Variants in MLLT3 observed in about 807,000 individuals in gnomAD.
MLLT3 encodes the protein MLLT3 super elongation complex subunit, also known as protein AF-9.
MLLT3 carries 4 observed loss-of-function variants against 53.2 expected under a neutral mutation model. That is an observed-to-expected ratio of 0.08 (90% CI 0.04 to 0.17). The LOEUF is 0.17. Ranked by LOEUF, MLLT3 falls within the 10% of genes least tolerant of loss-of-function variation. The probability of loss-of-function intolerance (pLI) is 1.00; values close to 1 mark genes in which losing one functional copy is unlikely to be tolerated. For synonymous variants in MLLT3, 283 were observed against 230.6 expected (o/e 1.23, Z -2.06); for missense variants, 569 against 684.0 (o/e 0.83, Z 1.87).
At chr9:20,576,102 C>G (rs1312000532) in intron 2 of MLLT3, among the ~76,000 whole-genome samples, 1 of 152,186 alleles carries the variant, frequency 6.6e-6, no homozygotes, top group African/African-American at 2.4e-5. Context: ...TCACCTTGCA[C>G]TTTTATGTTA....
intron 1 of MLLT3, 78 bp downstream of exon 1, chr9:20,622,167 G>C: frequency 6.9e-7 from 1 of 1,447,240 alleles, no homozygotes; most frequent in South Asian, 1.2e-5. Context: ...GAGCGCTGGC[G>C]CTGTCTGGGC....
At chr9:20,527,718 T>C (rs992143737) in intron 2 of MLLT3, among the ~76,000 whole-genome samples, 1 of 152,192 alleles carries the variant, frequency 6.6e-6, no homozygotes, top group Non-Finnish European at 1.5e-5. Context: ...GAATTTCATA[T>C]AGGTAATGTT....
chr9:20,365,736 T>C lies in MLLT3; in HGVS notation c.1134A>G (p.Gln378=), dbSNP rs765301433. 3.5e-5 allele frequency: 56 copies of C among 1,613,992 alleles called. No homozygotes were observed. The Admixed American group carries it at 8.3e-4, about 24-fold the overall frequency. ...TGGAGCTGGAGCTGGCAGGACTGGG[T>C]TGTTCAGACTTTAAAGAAGAATAAA... The part of the protein sequence containing the change: ...ENISSKSDSE[Q]PSPASSSSSS... The change falls in exon 6 of 11, where the codon CAA becomes CAG. Residue 378 remains glutamine (Q), a synonymous_variant. Transcript: ENST00000380338.
intron 2 of MLLT3, among the ~76,000 whole-genome samples, chr9:20,561,976 A>C (rs775680527): frequency 3.5e-4 from 53 of 152,088 alleles, no homozygotes; most frequent in Non-Finnish European, 6.8e-4. Flanking sequence ...AGGGAACAGA[A>C]GTAAGGACAT....
At chr9:20,523,317 T>C (rs1392629904) in intron 2 of MLLT3, among the ~76,000 whole-genome samples, 2 of 152,240 alleles carry the variant, frequency 1.3e-5, no homozygotes, top group Non-Finnish European at 2.9e-5. Context: ...TGGCAGTTTC[T>C]TATAAAACTA....
chr9:20,465,689 G>C (rs1824221937), intron 2 of MLLT3, among the ~76,000 whole-genome samples: 4 of 152,084 alleles, frequency 2.6e-5, no homozygotes, highest in Admixed American at 2.6e-4. Flanking sequence ...ATCCAAAATT[G>C]TCCTAACTTC....
chr9:20,610,409 A>G (rs1245607508), intron 2 of MLLT3, among the ~76,000 whole-genome samples: 2 of 152,208 alleles, frequency 1.3e-5, no homozygotes, highest in African/African-American at 4.8e-5. Context: ...TGTGATTCTC[A>G]GCAGACACAA....
At chr9:20,582,876 G>A (rs1011366330) in intron 2 of MLLT3, among the ~76,000 whole-genome samples, 4 of 152,048 alleles carry the variant, frequency 2.6e-5, no homozygotes, top group Non-Finnish European at 5.9e-5. Context: ...TTTGGGTGGG[G>A]GCACAGTCAA....
At chr9:20,348,600 G>A (rs1820935584) in intron 10 of MLLT3, among the ~76,000 whole-genome samples, 1 of 152,190 alleles carries the variant, frequency 6.6e-6, no homozygotes, top group African/African-American at 2.4e-5. Flanking sequence ...GTTATAGGTG[G>A]GGAGGGAGTC....
At chr9:20,479,410 T>C (rs909532246) in intron 2 of MLLT3, among the ~76,000 whole-genome samples, 1 of 152,154 alleles carries the variant, frequency 6.6e-6, no homozygotes, top group Non-Finnish European at 1.5e-5. Context: ...CTTTTTTTTC[T>C]TATAGCAAGA....
At position 20,620,518 on chromosome 9, in the gene MLLT3, C is replaced by T; in HGVS notation, c.193+136G>A. 3.6e-6 allele frequency: 2 copies of T among 560,500 alleles called. No homozygotes were observed. Among genetic ancestry groups the T allele is most frequent in the East Asian group, 1.2e-4 (2 of 16,342 alleles). 34.7% of individuals were successfully genotyped at this position (560,500 alleles called of 1,614,324 possible). ...GGGAGCCGGGACCTGGCCCGCGCGG[C>T]GCCGCGCACCCGGATCCCGAGGCTA... On this transcript the variant is annotated intron_variant, in intron 2 of 10. Coordinates refer to ENST00000380338, the MANE Select transcript of MLLT3 (RefSeq NM_004529.4). The surrounding 1 kb of genome is among the most constrained non-coding windows in gnomAD (Gnocchi z 6.1).
At chr9:20,486,582 C>T (rs1161607516) in intron 2 of MLLT3, among the ~76,000 whole-genome samples, 3 of 152,142 alleles carry the variant, frequency 2.0e-5, no homozygotes, top group Non-Finnish European at 4.4e-5. Context: ...TATTCCACCT[C>T]ACGATTTTCT....
chr9:20,364,221 G>C (rs1821394395), intron 6 of MLLT3, among the ~76,000 whole-genome samples: 1 of 151,998 alleles, frequency 6.6e-6, no homozygotes, highest in Non-Finnish European at 1.5e-5. Flanking sequence ...AGAAATTACT[G>C]GCACAATACC....
At chr9:20,543,349 A>G (rs1818693161) in intron 2 of MLLT3, among the ~76,000 whole-genome samples, 1 of 152,238 alleles carries the variant, frequency 6.6e-6, no homozygotes, top group Non-Finnish European at 1.5e-5. Context: ...ATTTAAAGTG[A>G]CAGACATGCA....
At chr9:20,522,271 C>G (rs1818081189) in intron 2 of MLLT3, among the ~76,000 whole-genome samples, 1 of 136,026 alleles carries the variant, frequency 7.4e-6, no homozygotes, top group Non-Finnish European at 1.5e-5. Context: ...TCCCTTCCAG[C>G]TTTGAAAGTG....
At chr9:20,362,706 C>CATTT (rs1396232997) in intron 7 of MLLT3, 1 of 99,712 alleles carries the variant, frequency 1.0e-5, no homozygotes, top group African/African-American at 4.0e-5. Context: ...GTTAAGACCG[C>CATTT]TTTTTTTTTT....
chr9:20,443,124 A>C (rs1316448531), intron 4 of MLLT3, among the ~76,000 whole-genome samples: 3 of 152,010 alleles, frequency 2.0e-5, no homozygotes, highest in Admixed American at 6.6e-5. Flanking sequence ...GAGGGAGAGA[A>C]GGAAAGAGGG....
chr9:20,588,007 T>C (rs1031111603), intron 2 of MLLT3, among the ~76,000 whole-genome samples: 1 of 149,864 alleles, frequency 6.7e-6, no homozygotes, highest in Admixed American at 6.6e-5. Context: ...CCATCTTGAA[T>C]TGATTTTTGT....
chr9:20,414,619 T>C (rs963207619), intron 4 of MLLT3, among the ~76,000 whole-genome samples, 194 bp from the exon 5 acceptor site: 2 of 152,136 alleles, frequency 1.3e-5, no homozygotes, highest in Admixed American at 1.3e-4. Flanking sequence ...TGAGAGTAGG[T>C]TATTATCAAA....
Sources: allele counts gnomAD v4.1 joint callset (sites outside exome capture counted in the v4.1 genomes callset), GRCh38; gene constraint gnomAD v4.1.1; non-coding constraint Gnocchi (gnomAD v3.1); transcripts MANE v1.5; gene names NCBI Gene and HGNC (gene_info 2026-07-23, HGNC 2026-07-21).